ZBTB20: variants seen among roughly 807,000 people sequenced by gnomAD.
The protein encoded by ZBTB20 is zinc finger and BTB domain-containing protein 20.
In ZBTB20, 9 loss-of-function variants were observed where a neutral mutation model predicts 56.9. The ratio of observed to expected loss-of-function variants is 0.16; its 90% CI spans 0.10 to 0.28. The LOEUF (loss-of-function observed/expected upper bound fraction) is 0.28. Among genes scored for constraint, ZBTB20 ranks in the 10% least tolerant of loss-of-function variants. The probability of loss-of-function intolerance (pLI) is 1.00; values close to 1 mark genes in which losing one functional copy is unlikely to be tolerated. For missense variants in ZBTB20, 655 were observed against 1,003.0 expected (o/e 0.65, Z 4.69); for synonymous variants, 417 against 420.7 (o/e 0.99, Z 0.11).
At chr3:114,570,414 AATATG>A (rs1350052561) in intron 6 of ZBTB20, among the ~76,000 whole-genome samples, 4 of 150,810 alleles carry the variant, frequency 2.7e-5, no homozygotes, top group African/African-American at 9.7e-5. Flanking sequence ...TGTATAATAC[AATATG>A]ATATATTATA....
intron 10 of ZBTB20, chr3:114,359,549 GAC>G (rs1560131695): frequency 6.6e-6 from 1 of 152,164 alleles, no homozygotes; most frequent in South Asian, 2.1e-4. Context: ...AACCTTTTGA[GAC>G]ACCTTTTAGG....
Position 114,329,758 on chromosome 3 carries a change from A to G in ZBTB20, c.*9247T>C, listed in dbSNP as rs377370372. 30 of 150,744 alleles carry G rather than the reference A, an allele frequency of 2.0e-4. No individual in the cohort carries two copies. In the South Asian group the frequency reaches 2.9e-3, roughly 15 times the overall value. 9.3% of individuals were successfully genotyped at this position (150,744 alleles called of 1,614,324 possible). On this transcript the variant is annotated 3_prime_UTR_variant, in exon 12 of 12. Transcript: ENST00000675478. ...AAAAACAACTCCCAGGAAAATGAAC[A>G]CTATATTGCCAAGCTGCCTCCAGGG...
Position 114,409,269 on chromosome 3 carries a change from T to C in ZBTB20, c.-254-20164A>G, listed in dbSNP as rs2087687659. ...TGAATAAAGAAGCACAAAGAAACAC[T>C]GTCATCAATCAGAATGCTCTTGCCT... is the stretch of plus-strand genomic sequence containing the variant. On this transcript the variant is annotated intron_variant, in intron 7 of 11. Coordinates refer to ENST00000675478, the MANE Select transcript of ZBTB20 (RefSeq NM_001348800.3). Among the ~76,000 whole-genome samples the C allele has an allele frequency of 2.0e-5, 3 of 151,632 alleles. No individual in the cohort carries two copies. In the South Asian group the frequency reaches 6.3e-4, roughly 32 times the overall value.
At chr3:114,666,686 G>T (rs970814745) in intron 6 of ZBTB20, among the ~76,000 whole-genome samples, 1 of 152,000 alleles carries the variant, frequency 6.6e-6, no homozygotes, top group Non-Finnish European at 1.5e-5. Flanking sequence ...AAGAGAGGAA[G>T]CATTTTTCTT....
chr3:115,106,231 T>A (rs2083718079), intron 1 of ZBTB20, among the ~76,000 whole-genome samples: 1 of 149,240 alleles, frequency 6.7e-6, no homozygotes, highest in Admixed American at 6.7e-5. Context: ...ACACAATAAT[T>A]CTTTTTTTTT....
chr3:114,408,880 T>C (rs2087612948), intron 7 of ZBTB20, among the ~76,000 whole-genome samples: 1 of 152,156 alleles, frequency 6.6e-6, no homozygotes, highest in Non-Finnish European at 1.5e-5. Context: ...TCTCTGATTC[T>C]CTCACACTGC....
At chr3:115,030,660 T>C (rs574768879) in intron 2 of ZBTB20, among the ~76,000 whole-genome samples, 9 of 151,272 alleles carry the variant, frequency 5.9e-5, no homozygotes, top group East Asian at 5.8e-4. Flanking sequence ...CTTAACGTCA[T>C]GAGAGATGAT....
At chr3:114,715,088 T>C (rs928612801) in intron 5 of ZBTB20, among the ~76,000 whole-genome samples, 4 of 152,212 alleles carry the variant, frequency 2.6e-5, no homozygotes, top group African/African-American at 9.7e-5. Flanking sequence ...TAATAAGTCA[T>C]TCACTCAGAG....
chr3:114,760,848 T>C (rs1475098058), intron 5 of ZBTB20, among the ~76,000 whole-genome samples: 2 of 152,154 alleles, frequency 1.3e-5, no homozygotes, highest in African/African-American at 2.4e-5. Flanking sequence ...GTTTTCACTG[T>C]ACCATAAGAT....
chr3:114,634,045 T>C (rs954564067), intron 6 of ZBTB20, among the ~76,000 whole-genome samples: 24 of 152,178 alleles, frequency 1.6e-4, no homozygotes, highest in African/African-American at 5.8e-4. Context: ...TATGTAAGTA[T>C]TCCATTCGTT....
chr3:114,717,729 T>C (rs565096594), intron 5 of ZBTB20, among the ~76,000 whole-genome samples: 20 of 152,256 alleles, frequency 1.3e-4, no homozygotes, highest in Non-Finnish European at 2.6e-4. Flanking sequence ...CTTTCTATTC[T>C]TTTCTTAATC....
intron 7 of ZBTB20, among the ~76,000 whole-genome samples, chr3:114,474,198 G>C (rs1005201494): frequency 9.2e-5 from 14 of 152,204 alleles, no homozygotes; most frequent in African/African-American, 3.1e-4. Flanking sequence ...AATTCAAGAG[G>C]AGGTTTGGGT....
intron 4 of ZBTB20, among the ~76,000 whole-genome samples, chr3:114,852,209 A>C (rs2937258): frequency 0.061 from 9,169 of 151,014 alleles, 963 homozygotes; most frequent in African/African-American, 0.21. Flanking sequence ...TTGTCTTATC[A>C]CTTATTCAAT....
chr3:114,384,100 TTCTCTCTCTCTCTC>T (rs57746371), intron 8 of ZBTB20, among the ~76,000 whole-genome samples: 3 of 139,248 alleles, frequency 2.2e-5, no homozygotes, highest in Admixed American at 7.1e-5. Flanking sequence ...TCAGTTCTCA[TTCTCTCTCTCTCTC>T]TCTCTCTCTC....
chr3:114,645,632 CA>C (rs1375123376), intron 6 of ZBTB20, among the ~76,000 whole-genome samples: 2 of 152,094 alleles, frequency 1.3e-5, no homozygotes, highest in Non-Finnish European at 2.9e-5. Context: ...ATTTTTCCCC[CA>C]GTGCCTCAAA....
intron 7 of ZBTB20, chr3:114,454,500 C>T (rs2091883452): frequency 6.6e-6 from 1 of 151,218 alleles, no homozygotes; most frequent in African/African-American, 2.4e-5. Flanking sequence ...ATACATGCTC[C>T]CTCGGTCTCC....
intron 2 of ZBTB20, among the ~76,000 whole-genome samples, chr3:115,064,744 T>C (rs2082144783): frequency 6.6e-6 from 1 of 152,140 alleles, no homozygotes; most frequent in African/African-American, 2.4e-5. Flanking sequence ...TGAGCCACCG[T>C]GCCCGGCCTT....
intron 6 of ZBTB20, among the ~76,000 whole-genome samples, chr3:114,530,822 T>C (rs2047761089): frequency 6.6e-6 from 1 of 152,172 alleles, no homozygotes; most frequent in Non-Finnish European, 1.5e-5. Flanking sequence ...TGCCCCTCCC[T>C]GAAATACTTC....
chr3:115,009,895 T>A (rs1369549146), intron 2 of ZBTB20, among the ~76,000 whole-genome samples: 1 of 151,976 alleles, frequency 6.6e-6, no homozygotes. Context: ...TTTTTCTTTA[T>A]ACATTACCCA....
Sources: gnomAD v4.1 joint callset for allele counts (sites outside exome capture counted in the v4.1 genomes callset) on GRCh38, gnomAD v4.1.1 for gene constraint, MANE v1.5 for transcripts, NCBI Gene and HGNC (gene_info 2026-07-23, HGNC 2026-07-21) for gene names.